The following CCDC141 variants were observed in gnomAD, a reference collection of about 807,000 sequenced individuals.
CCDC141 encodes the protein coiled-coil domain containing 141, also known as coiled-coil domain-containing protein 141.
A neutral mutation model predicts 181.0 loss-of-function variants in CCDC141; 168 were observed. The ratio of observed to expected loss-of-function variants is 0.93; its 90% confidence interval spans 0.82 to 1.05. The LOEUF is 1.05. CCDC141 is among the 50% of genes least tolerant of loss of function. The pLI is 0.00. For synonymous variants in CCDC141, 666 were observed against 642.3 expected, an observed-to-expected ratio of 1.04 and a Z score of -0.56; for missense variants, 1,902 against 1,788.5, an observed-to-expected ratio of 1.06 and a Z score of -1.14.
intron 2 of CCDC141, among the ~76,000 whole-genome samples, chr2:179,046,678 A>G (rs905921205): frequency 3.9e-5 from 6 of 152,282 alleles, no homozygotes; most frequent in African/African-American, 1.4e-4. Context: ...ATGGCCCCAA[A>G]TTTGTATTTG....
At chr2:178,857,033 G>T (rs567633488) in intron 17 of CCDC141, among the ~76,000 whole-genome samples, 1 of 152,146 alleles carries the variant, frequency 6.6e-6, no homozygotes, top group Non-Finnish European at 1.5e-5. Flanking sequence ...ATATTCCTTT[G>T]TCCCTCAAGT....
chr2:178,976,975 T>C (rs1045267687), intron 3 of CCDC141, among the ~76,000 whole-genome samples: 3 of 152,184 alleles, frequency 2.0e-5, no homozygotes, highest in African/African-American at 7.2e-5. Context: ...AAGTTCTGTT[T>C]ACTTTTATCA....
intron 2 of CCDC141, among the ~76,000 whole-genome samples, chr2:179,033,351 G>T (rs2043053126): frequency 6.6e-6 from 1 of 151,952 alleles, no homozygotes; most frequent in Admixed American, 6.6e-5. Flanking sequence ...TATAAAGGGG[G>T]ATGTGCATAG....
At chr2:178,958,500 C>CCCTCCCAAAAGCACT (rs1183339341) in intron 5 of CCDC141, among the ~76,000 whole-genome samples, 3 of 151,822 alleles carry the variant, frequency 2.0e-5, no homozygotes, top group African/African-American at 7.3e-5. Flanking sequence ...TAAAAAGCAC[C>CCCTCCCAAAAGCACT]CCTCCCAAAA....
intron 8 of CCDC141, among the ~76,000 whole-genome samples, chr2:178,903,408 C>A (rs1310811110): frequency 6.6e-6 from 1 of 151,920 alleles, no homozygotes. Context: ...ACATATACAC[C>A]ATGGAATACT....
intron 7 of CCDC141, among the ~76,000 whole-genome samples, chr2:178,906,372 T>A (rs1192707250): frequency 6.6e-6 from 1 of 152,148 alleles, no homozygotes; most frequent in Non-Finnish European, 1.5e-5. Context: ...TGTGGGTATA[T>A]GAGGAGAAAG....
intron 2 of CCDC141, among the ~76,000 whole-genome samples, chr2:178,980,900 A>G (rs954315071): frequency 6.6e-6 from 1 of 152,188 alleles, no homozygotes; most frequent in Admixed American, 6.5e-5. Flanking sequence ...AGGTAAATGG[A>G]CAGAGAAAGA....
intron 22 of CCDC141, among the ~76,000 whole-genome samples, chr2:178,841,301 T>C (rs1684707567): frequency 6.6e-6 from 1 of 151,826 alleles, no homozygotes; most frequent in African/African-American, 2.4e-5. Flanking sequence ...TCTCCACTTA[T>C]CTTAAGAGAG....
chr2:178,877,934 A>G, intron 12 of CCDC141, 30 bp downstream of exon 12: 1 of 1,576,540 alleles, frequency 6.3e-7, no homozygotes, highest in South Asian at 1.1e-5. Context: ...ATCCCTGCAG[A>G]AGGTGTGATC....
intron 2 of CCDC141, among the ~76,000 whole-genome samples, chr2:179,012,819 GT>G (rs2042308419): frequency 6.6e-6 from 1 of 152,062 alleles, no homozygotes; most frequent in South Asian, 2.1e-4. Context: ...ACATATGCAA[GT>G]CAATAAATGT....
At chr2:178,954,046 A>T (rs1052904222) in intron 5 of CCDC141, among the ~76,000 whole-genome samples, 23 of 152,212 alleles carry the variant, frequency 1.5e-4, no homozygotes, top group African/African-American at 5.1e-4. Context: ...CCTGCCCCTA[A>T]AGGTGTATAT....
chr2:178,826,526 G>C (rs914310306), downstream of CCDC141, among the ~76,000 whole-genome samples: 7 of 152,000 alleles, frequency 4.6e-5, no homozygotes, highest in Non-Finnish European at 1.0e-4. Flanking sequence ...TAAATGTTTG[G>C]TAATTTACCA....
chr2:178,885,107 C>G lies in CCDC141; in HGVS notation c.1528-15G>C. On this transcript the variant is annotated splice_polypyrimidine_tract_variant and intron_variant, in intron 10 of 23. Transcript: ENST00000443758. ...TGTGATGTCTCCTGTAAAAGCAAAG[C>G]ACTGGAGGTCAGAAACTGACAGGGG... The G allele has an allele frequency of 6.5e-7, 1 of 1,528,618 alleles. No homozygotes were observed. Among genetic ancestry groups the G allele is most frequent in the Non-Finnish European group, 8.8e-7 (1 of 1,130,916 alleles). The allele number at this position is 1,528,618 out of a possible 1,614,324, so 94.7% of individuals were successfully genotyped here. A position where few individuals can be genotyped will look rare whatever the true frequency, so the allele number is the denominator to read the frequency against.
At chr2:179,029,279 T>C (rs903929108) in intron 2 of CCDC141, among the ~76,000 whole-genome samples, 21 of 152,206 alleles carry the variant, frequency 1.4e-4, no homozygotes, top group African/African-American at 5.1e-4. Context: ...GCCATGATTG[T>C]ATTTTAAATA....
intron 2 of CCDC141, among the ~76,000 whole-genome samples, chr2:179,043,830 C>A (rs1006459162): frequency 2.0e-5 from 3 of 152,030 alleles, no homozygotes; most frequent in African/African-American, 7.2e-5. Flanking sequence ...GCAAGAGAAA[C>A]AAATGAATAG....
At chr2:178,829,467 A>G (rs1684178610), downstream of CCDC141, among the ~76,000 whole-genome samples, 1 of 152,210 alleles carries the variant, frequency 6.6e-6, no homozygotes, top group South Asian at 2.1e-4. Flanking sequence ...ATGTTATACA[A>G]ACTCTCACCA....
At chr2:178,964,835 T>C (rs980295225) in intron 4 of CCDC141, among the ~76,000 whole-genome samples, 17 of 152,186 alleles carry the variant, frequency 1.1e-4, no homozygotes, top group African/African-American at 3.4e-4. Context: ...AAAGACTGTA[T>C]ATCAGCACAT....
Position 178,850,118 on chromosome 2 carries a change from T to C in CCDC141, c.3288A>G (p.Lys1096=), listed in dbSNP as rs1385552687. The C allele has an allele frequency of 6.2e-7, 1 of 1,611,688 alleles. No individual in the cohort carries two copies. Among genetic ancestry groups the C allele is most frequent in the Admixed American group, 1.7e-5 (1 of 59,824 alleles). ...GQKYIEKIVT[K]HKEVLESVTE... ...TCACAGATTCAAGAACCTCTTTGTG[T>C]TTTGTCACTATTTTCTCAATATATT... Residue 1096 remains lysine, a synonymous_variant, in exon 21 of 24, where the codon AAA becomes AAG. Transcript: ENST00000443758.
downstream of CCDC141, among the ~76,000 whole-genome samples, chr2:178,825,017 C>A (rs1344136901): frequency 6.6e-6 from 1 of 151,790 alleles, no homozygotes; most frequent in Non-Finnish European, 1.5e-5. Context: ...CATATAAGAC[C>A]AAAAATTACT....
Sources: allele counts gnomAD v4.1 joint callset (sites outside exome capture counted in the v4.1 genomes callset), GRCh38; gene constraint gnomAD v4.1.1; transcripts MANE v1.5; gene names NCBI Gene and HGNC (gene_info 2026-07-23, HGNC 2026-07-21).